NR3C1: variants seen among roughly 807,000 people sequenced by gnomAD.
NR3C1 encodes the protein nuclear receptor subfamily 3 group C member 1, also known as glucocorticoid receptor.
A neutral mutation model predicts 74.0 loss-of-function variants in NR3C1; 14 were observed. The observed-to-expected ratio is 0.19, with a 90% CI of 0.12 to 0.30. The LOEUF is 0.30. Among genes scored for constraint, NR3C1 ranks in the 10% least tolerant of loss-of-function variants. NR3C1 has a pLI of 1.00. For synonymous variants in NR3C1, 308 were observed against 332.5 expected, an observed-to-expected ratio of 0.93 and a Z score of 0.80; for missense variants, 695 against 909.8, an observed-to-expected ratio of 0.76 and a Z score of 3.04.
At chr5:143,403,778 A>G, upstream of NR3C1, 1 of 982,698 alleles carries the variant, frequency 1.0e-6, no homozygotes, top group African/African-American at 1.8e-5. Flanking sequence ...GCGGGGAACG[A>G]TGCAACCTGT....
chr5:143,290,365 G>A (rs1815582194), intron 7 of NR3C1, among the ~76,000 whole-genome samples: 1 of 152,206 alleles, frequency 6.6e-6, no homozygotes, highest in South Asian at 2.1e-4. Flanking sequence ...TAGTAGCTGT[G>A]ACAGAGACTG....
At chr5:143,282,473 G>C in intron 8 of NR3C1, 95 bp downstream of exon 8, 1 of 1,404,952 alleles carries the variant, frequency 7.1e-7, no homozygotes, top group African/African-American at 1.4e-5. Context: ...CTGGGGGCGG[G>C]GGTGGGGGCG....
upstream of NR3C1, chr5:143,405,142 C>T: frequency 1.0e-6 from 1 of 985,544 alleles, no homozygotes. Flanking sequence ...CGGGACCGAG[C>T]CTCCTACCTT....
chr5:143,388,313 A>ATC (rs1256701941), intron 2 of NR3C1, among the ~76,000 whole-genome samples: 1 of 152,208 alleles, frequency 6.6e-6, no homozygotes, highest in East Asian at 1.9e-4. Flanking sequence ...CTGGGCTATC[A>ATC]TCTCTCTCTC....
chr5:143,359,761 T>C (rs1196333759), intron 2 of NR3C1, among the ~76,000 whole-genome samples: 1 of 151,750 alleles, frequency 6.6e-6, no homozygotes, highest in African/African-American at 2.4e-5. Context: ...CTACTAAAAA[T>C]ACAAAAATTA....
intron 7 of NR3C1, among the ~76,000 whole-genome samples, chr5:143,288,381 C>T (rs1033080730): frequency 9.9e-5 from 15 of 151,930 alleles, no homozygotes; most frequent in African/African-American, 1.9e-4. Context: ...GGCCTCCCAA[C>T]GTGCTGGAAT....
At chr5:143,345,638 A>T (rs548008458) in intron 2 of NR3C1, among the ~76,000 whole-genome samples, 37 of 152,362 alleles carry the variant, frequency 2.4e-4, no homozygotes, top group Non-Finnish European at 5.0e-4. Flanking sequence ...ATGTGGTGAC[A>T]GGGGGTGCTT....
chr5:143,365,750 T>G (rs145347606), intron 2 of NR3C1, among the ~76,000 whole-genome samples: 1,649 of 152,316 alleles, frequency 0.011, 9 homozygotes, highest in Non-Finnish European at 0.016. Context: ...GACAATGTAT[T>G]AGGTCATAAG....
At chr5:143,434,643 G>A in exon 1 of NR3C1, 1 of 985,446 alleles carries the variant, frequency 1.0e-6, no homozygotes, top group Non-Finnish European at 1.2e-6. Flanking sequence ...GAGGAGGGTA[G>A]GAGCTGCATT....
chr5:143,296,623 AAC>A (rs1282157669), intron 6 of NR3C1, among the ~76,000 whole-genome samples: 1 of 152,146 alleles, frequency 6.6e-6, no homozygotes, highest in Admixed American at 6.5e-5. Context: ...TAAAAACAAC[AAC>A]AATTTTTTTT....
chr5:143,409,256 A>G (rs1841216747), intron 1 of NR3C1: 1 of 152,214 alleles, frequency 6.6e-6, no homozygotes, highest in South Asian at 2.1e-4. Flanking sequence ...AAGAAAGGAC[A>G]TAAGACACCA....
intron 2 of NR3C1, among the ~76,000 whole-genome samples, chr5:143,366,510 CA>C (rs112519980): frequency 0.33 from 34,423 of 102,778 alleles, 4,251 homozygotes; most frequent in Middle Eastern, 0.44. Flanking sequence ...AATTCTGCCT[CA>C]AAAAAAAAAA....
At chr5:143,417,265 CA>C (rs1468398640) in intron 1 of NR3C1, among the ~76,000 whole-genome samples, 4 of 152,138 alleles carry the variant, frequency 2.6e-5, no homozygotes, top group Admixed American at 2.6e-4. Flanking sequence ...GATGAAAAAT[CA>C]ATCCCTTAGT....
chr5:143,306,874 ATTTTTTTTTTTTTTTTTTTT>A (rs70991802), intron 4 of NR3C1, among the ~76,000 whole-genome samples: 20 of 82,902 alleles, frequency 2.4e-4, no homozygotes, highest in African/African-American at 8.1e-4. Context: ...GTATGCTTAA[ATTTTTTTTTTTTTTTTTTTT>A]TTTTTTTTTT....
intron 1 of NR3C1, among the ~76,000 whole-genome samples, chr5:143,427,858 G>A (rs1021315784): frequency 3.3e-5 from 5 of 152,068 alleles, no homozygotes; most frequent in African/African-American, 1.2e-4. Context: ...TCTATAAGAG[G>A]GTTTTAACCA....
At chr5:143,387,653 C>T (rs1026531934) in intron 2 of NR3C1, among the ~76,000 whole-genome samples, 1 of 152,156 alleles carries the variant, frequency 6.6e-6, no homozygotes, top group African/African-American at 2.4e-5. Flanking sequence ...CTAACACCTA[C>T]TTAACTTGCA....
At chr5:143,349,835 A>C (rs2151777323) in intron 2 of NR3C1, among the ~76,000 whole-genome samples, 1 of 152,258 alleles carries the variant, frequency 6.6e-6, no homozygotes, top group Admixed American at 6.5e-5. Flanking sequence ...GTTGTAATAC[A>C]ATGAGGCAAA....
At chr5:143,403,103 GC>G in intron 1 of NR3C1, 107 bp downstream of exon 1, 1 of 931,602 alleles carries the variant, frequency 1.1e-6, no homozygotes, top group Non-Finnish European at 1.3e-6. Flanking sequence ...ACTCCCCGAG[GC>G]TAATAAAAGT....
intron 6 of NR3C1, among the ~76,000 whole-genome samples, chr5:143,297,075 CAAAAAAA>C (rs766243522): frequency 3.3e-5 from 2 of 60,636 alleles, no homozygotes; most frequent in Non-Finnish European, 6.7e-5. Flanking sequence ...AGACTCGTCT[CAAAAAAA>C]AAAAAAAAAA....
Sources: allele counts gnomAD v4.1 joint callset (sites outside exome capture counted in the v4.1 genomes callset), GRCh38; gene constraint gnomAD v4.1.1; transcripts MANE v1.5; gene names NCBI Gene and HGNC (gene_info 2026-07-23, HGNC 2026-07-21).